PTGS1: variants seen among roughly 807,000 people sequenced by gnomAD.
PTGS1 encodes prostaglandin-endoperoxide synthase 1, also known as prostaglandin G/H synthase 1.
A neutral mutation model predicts 63.0 loss-of-function variants in PTGS1; 40 were observed. The ratio of observed to expected loss-of-function variants is 0.63; its 90% CI spans 0.49 to 0.83. The LOEUF is 0.83. PTGS1 is among the 40% of genes least tolerant of loss of function. The pLI is 0.00. For missense variants in PTGS1, 709 were observed against 786.5 expected (o/e 0.90, Z 1.18); for synonymous variants, 298 against 301.9 (o/e 0.99, Z 0.13).
chr9:122,390,747 A>T (rs1838171527), intron 10 of PTGS1, among the ~76,000 whole-genome samples: 1 of 152,128 alleles, frequency 6.6e-6, no homozygotes, highest in Non-Finnish European at 1.5e-5. Context: ...AATACAAAAA[A>T]TTAGCCGGGC....
chr9:122,370,632 T>A (rs1185692293), upstream of PTGS1: 1 of 226,196 alleles, frequency 4.4e-6, no homozygotes, highest in African/African-American at 2.2e-5. Context: ...CTAGCCCCTT[T>A]TCTTCTCTAC....
rs559437775 is a variant in PTGS1 at position 122,375,422 on chromosome 9, G to C, written c.95-2477G>C. The C allele has an allele frequency of 1.7e-5, 17 of 985,482 alleles. No individual in the cohort carries two copies. The African/African-American group carries it at 2.3e-4, about 13-fold the overall frequency. 61.0% of individuals were successfully genotyped at this position (985,482 alleles called of 1,614,324 possible). ...GCTGTTGAGGGCCTGGAAGATGAGG[G>C]ACTCCTTTTGGTCAGGCTGGAGGTG... On this transcript the variant is annotated intron_variant, in intron 2 of 10. Coordinates refer to ENST00000362012, the MANE Select transcript of PTGS1 (RefSeq NM_000962.4).
At chr9:122,382,091 G>A (rs1837564312) in intron 7 of PTGS1, among the ~76,000 whole-genome samples, 1 of 152,186 alleles carries the variant, frequency 6.6e-6, no homozygotes, top group Non-Finnish European at 1.5e-5. Context: ...TATAGTTAAT[G>A]GGCCCTGCCC....
chr9:122,390,192 C>T lies in PTGS1; in HGVS notation c.1297-6C>T, dbSNP rs370370458. 17 of 1,612,972 alleles carry T rather than the reference C, an allele frequency of 1.1e-5. No homozygotes were observed. Among genetic ancestry groups the T allele is most frequent in the African/African-American group, 2.7e-5 (2 of 75,006 alleles). On this transcript the variant is annotated splice_region_variant and splice_polypyrimidine_tract_variant and intron_variant, in intron 9 of 10. Coordinates refer to ENST00000362012, the MANE Select transcript of PTGS1 (RefSeq NM_000962.4). ...CCAGACCACTGCTGTGCTTCTCTCT[C>T]GGCAGATCGGTGGGGGCAGGAACAT...
chr9:122,378,606 G>GAGCA, intron 4 of PTGS1, 33 bp downstream of exon 4: 2 of 1,613,972 alleles, frequency 1.2e-6, no homozygotes, highest in Non-Finnish European at 1.7e-6. Context: ...TGACCTGGGG[G>GAGCA]AGCAAGCAAG....
At position 122,383,568 on chromosome 9, in the gene PTGS1, C is replaced by T. The variant is rs771236340; in HGVS notation, c.822C>T (p.Tyr274=). ...SVEEAPVLMH[Y]PRGIPPQSQM... ...AAGAGGCGCCTGTGTTGATGCACTA[C>T]CCCCGAGGCATCCCGCCCCAGAGCC... Residue 274 remains tyrosine (Y), a synonymous_variant, in exon 8 of 11, where the codon TAC becomes TAT. Transcript: ENST00000362012. 1.9e-6 allele frequency: 3 copies of T among 1,614,092 alleles called. No individual in the cohort carries two copies. The highest frequency in any genetic ancestry group is 2.7e-5 in the African/African-American group (2 of 75,020).
intron 2 of PTGS1, chr9:122,371,611 A>G: frequency 6.3e-6 from 9 of 1,431,688 alleles, no homozygotes; most frequent in Non-Finnish European, 8.2e-6. Flanking sequence ...TGTTTCCTAT[A>G]GGGGCCTCTT....
Position 122,392,288 on chromosome 9 carries a change from C to T in PTGS1, c.1544C>T (p.Ser515Phe). ...CTTCTTGAAAAGTGCCATCCAAACTCTATCTTTGGGGAGAGTATGATAGAG... is the reference window on the plus strand; with the variant it reads ...CTTCTTGAAAAGTGCCATCCAAACTTTATCTTTGGGGAGAGTATGATAGAG... Reference protein sequence around the residue: ...GLLLEKCHPNSIFGESMIEIG... With the variant: ...GLLLEKCHPNFIFGESMIEIG... Residue 515 changes from serine to phenylalanine, a missense_variant, in exon 11 of 11, where the codon TCT becomes TTT. By Grantham distance (155) the Ser-to-Phe change is radical (BLOSUM62 -2). Coordinates refer to ENST00000362012, the MANE Select transcript of PTGS1 (RefSeq NM_000962.4). 3.1e-6 allele frequency: 5 copies of T among 1,613,982 alleles called. No individual in the cohort carries two copies. Among genetic ancestry groups the T allele is most frequent in the Non-Finnish European group, 4.2e-6 (5 of 1,179,868 alleles).
At chr9:122,379,878 T>C (rs937870641) in intron 5 of PTGS1, among the ~76,000 whole-genome samples, 1 of 152,198 alleles carries the variant, frequency 6.6e-6, no homozygotes, top group African/African-American at 2.4e-5. Context: ...ATCTTGAACC[T>C]TCAACATCAG....
At chr9:122,377,823 A>T in intron 2 of PTGS1, 76 bp from the exon 3 acceptor site, 1 of 1,306,436 alleles carries the variant, frequency 7.7e-7, no homozygotes, top group Non-Finnish European at 1.1e-6. Context: ...CTGGCCCCTC[A>T]TTCCCCCATC....
chr9:122,379,526 ACTG>A (rs1340381140), intron 5 of PTGS1, among the ~76,000 whole-genome samples: 1 of 152,214 alleles, frequency 6.6e-6, no homozygotes, highest in Non-Finnish European at 1.5e-5. Flanking sequence ...ACATGGTGGC[ACTG>A]TTGAATGCCA....
Position 122,394,176 on chromosome 9 carries a change from A to C in PTGS1, c.*1632A>C, listed in dbSNP as rs1309850370. The C allele has an allele frequency of 6.6e-6, 1 of 152,332 alleles. No homozygotes were observed. Among genetic ancestry groups the C allele is most frequent in the African/African-American group, 2.4e-5 (1 of 41,452 alleles). 9.4% of individuals were successfully genotyped at this position (152,332 alleles called of 1,614,324 possible). A position where few individuals can be genotyped will look rare whatever the true frequency, so the allele number is the denominator to read the frequency against. The stretch of plus-strand genomic sequence containing the variant: ...CTCAGGGCAGACAGCCCTCCACTCC[A>C]GCTCTGAGACCCTTTTCTCAGGACC... On this transcript the variant is annotated 3_prime_UTR_variant, in exon 11 of 11. Coordinates refer to ENST00000362012, the MANE Select transcript of PTGS1 (RefSeq NM_000962.4).
At position 122,386,466 on chromosome 9, in the gene PTGS1, AT is replaced by A; in HGVS notation, c.1031del (p.Ile344ThrfsTer8). 2 of 1,614,206 alleles carry A rather than the reference AT, an allele frequency of 1.2e-6. No individual in the cohort carries two copies. The highest frequency in any genetic ancestry group is 1.7e-6 in the Non-Finnish European group (2 of 1,180,028). ...CCCAGGGGAGACCATCAAGATTGTC[AT>A]CGAGGAGTACGTGCAGCAGCTGAGT... ...ILIGETIKIV[I>X]EEYVQQLSGY... On this transcript the variant is annotated frameshift_variant, in exon 9 of 11. Transcript: ENST00000362012. LOFTEE classifies it high-confidence loss of function.
chr9:122,371,878 C>G (rs1219593942), intron 2 of PTGS1: 1 of 1,385,966 alleles, frequency 7.2e-7, no homozygotes, highest in African/African-American at 1.4e-5. Context: ...CATGGTGGGC[C>G]CAGGATCTGA....
chr9:122,374,773 G>A (rs2119118132), intron 2 of PTGS1, among the ~76,000 whole-genome samples: 1 of 152,212 alleles, frequency 6.6e-6, no homozygotes, highest in South Asian at 2.1e-4. Flanking sequence ...AACTCAACTG[G>A]GTCATCCTCA....
At chr9:122,371,123 T>A (rs1836773441) in intron 1 of PTGS1, 32 bp downstream of exon 1, 2 of 1,605,678 alleles carry the variant, frequency 1.2e-6, no homozygotes, top group South Asian at 2.2e-5. Flanking sequence ...GGTGGGGAAT[T>A]TTCTTGGCCT....
intron 2 of PTGS1, among the ~76,000 whole-genome samples, 171 bp downstream of exon 2, chr9:122,371,443 G>A (rs1294856258): frequency 6.6e-6 from 1 of 152,250 alleles, no homozygotes; most frequent in East Asian, 1.9e-4. Flanking sequence ...AGCCCCCCCG[G>A]CGGTGTGGCC....
rs147131934 is a variant in PTGS1 at position 122,378,892 on chromosome 9, A to G, written c.470A>G (p.Asp157Gly). 7.1e-5 allele frequency: 115 copies of G among 1,614,202 alleles called. No individual in the cohort carries two copies. The African/African-American group carries it at 1.5e-3, about 20-fold the overall frequency. Reference sequence around the variant, plus strand: ...CGTATTCTGCCCTCTGTGCCTAAAGATTGCCCCACACCCATGGGAACCAAA... The same window carrying G: ...CGTATTCTGCCCTCTGTGCCTAAAGGTTGCCCCACACCCATGGGAACCAAA... ...YTRILPSVPK[D>G]CPTPMGTKGK... The change falls in exon 5 of 11, where the codon GAT becomes GGT. Residue 157 changes from aspartate (D) to glycine (G), a missense_variant. Physicochemically the swap from Asp to Gly is moderately conservative, Grantham distance 94. Coordinates refer to ENST00000362012, the MANE Select transcript of PTGS1 (RefSeq NM_000962.4).
At chr9:122,390,471 C>T (rs1487597118) in intron 10 of PTGS1, 126 bp downstream of exon 10, 26 of 1,122,330 alleles carry the variant, frequency 2.3e-5, no homozygotes, top group East Asian at 8.0e-5. Context: ...TTATAATGGG[C>T]GTGGAAGTGC....
Sources: gnomAD v4.1 joint callset for allele counts (sites outside exome capture counted in the v4.1 genomes callset) on GRCh38, gnomAD v4.1.1 for gene constraint, MANE v1.5 for transcripts, NCBI Gene and HGNC (gene_info 2026-07-23, HGNC 2026-07-21) for gene names.